VWCE: variants seen among roughly 807,000 people sequenced by gnomAD.
VWCE encodes von Willebrand factor C and EGF domains, also known as von Willebrand factor C and EGF domain-containing protein.
Under a neutral mutation model 102.9 loss-of-function variants are expected in VWCE, and 68 were observed. The ratio of observed to expected loss-of-function variants is 0.66; its 90% CI spans 0.54 to 0.81. The LOEUF is 0.81. VWCE is among the 30% of genes least tolerant of loss of function. The pLI is 0.00. For synonymous variants in VWCE, 497 were observed against 515.4 expected (o/e 0.96, Z 0.48); for missense variants, 1,137 against 1,263.6 (o/e 0.90, Z 1.52).
chr11:61,271,810 A>G (rs1246493475), intron 13 of VWCE, 50 bp from the exon 14 acceptor site: 2 of 1,555,156 alleles, frequency 1.3e-6, no homozygotes, highest in Non-Finnish European at 1.8e-6. Flanking sequence ...CTAGACTACA[A>G]CAGCAGCAAG....
chr11:61,267,286 T>C (rs1038833597), intron 16 of VWCE, among the ~76,000 whole-genome samples, 176 bp downstream of exon 16: 1 of 151,938 alleles, frequency 6.6e-6, no homozygotes, highest in Non-Finnish European at 1.5e-5. Flanking sequence ...AAAAAAAATT[T>C]CTCTGGCCCT....
chr11:61,280,801 A>G lies in VWCE; in HGVS notation c.1222T>C (p.Trp408Arg). The change falls in exon 8 of 20, where the codon TGG becomes CGG. Residue 408 changes from tryptophan to arginine, a missense_variant. Physicochemically the swap from Trp to Arg is moderately radical, Grantham distance 101 (BLOSUM62 -3). Transcript: ENST00000335613. Reference protein sequence around the residue: ...RWTEPGCSQCWCEDGKVTCEK... With the variant: ...RWTEPGCSQCRCEDGKVTCEK... ...GGACCCCTAGTACCCACCTCGCACC[A>G]GCACTGGGAACACCCAGGCTCTGTC... 6.3e-7 allele frequency: 1 copy of G among 1,593,216 alleles called. No homozygotes were observed. The highest frequency in any genetic ancestry group is 1.7e-4 in the Middle Eastern group (1 of 5,954).
rs373013984 is a variant in VWCE at position 61,258,989 on chromosome 11, G to A, written c.2554C>T (p.Pro852Ser). Residue 852 changes from proline to serine, a missense_variant, in exon 20 of 20, where the codon CCA (proline) becomes TCA (serine). Around this residue, in one of 5 missense-constraint regions of VWCE, gnomAD observed 316 missense variants for 319.3 expected, o/e 0.99. Transcript: ENST00000335613. ...PRLSPGPSTP[P>S]GAPTLPLASP... The stretch of plus-strand genomic sequence containing the variant: ...GCTAGAGGTAGAGTGGGGGCTCCTG[G>A]AGGGGTCGAAGGCCCTGGTGAGAGT... 33 of 1,610,082 alleles carry A rather than the reference G, an allele frequency of 2.0e-5. No homozygotes were observed. The highest frequency in any genetic ancestry group is 2.8e-5 in the Non-Finnish European group (33 of 1,178,084).
At chr11:61,264,907 G>C in intron 18 of VWCE, 49 bp downstream of exon 18, 1 of 1,600,162 alleles carries the variant, frequency 6.2e-7, no homozygotes, top group Non-Finnish European at 8.5e-7. Flanking sequence ...CAAAAGGCAA[G>C]AAGCTGCCCT....
chr11:61,292,764 G>A (rs1001186548), intron 1 of VWCE, among the ~76,000 whole-genome samples: 2 of 152,162 alleles, frequency 1.3e-5, no homozygotes, highest in Non-Finnish European at 2.9e-5. Context: ...TAACAGCATA[G>A]AGTGACAAAT....
At position 61,286,450 on chromosome 11, in the gene VWCE, G is replaced by A. The variant is rs372271528; in HGVS notation, c.425-20C>T. The A allele has an allele frequency of 1.3e-5, 21 of 1,603,668 alleles. No homozygotes were observed. The highest frequency in any genetic ancestry group is 4.4e-5 in the South Asian group (4 of 90,956). ...CAATGTCTGGAAAGACAGAAAGCAC[G>A]TGTTTACACAGTGGTCCTCGCAAGA... On this transcript the variant is annotated intron_variant, in intron 4 of 19. Coordinates refer to ENST00000335613, the MANE Select transcript of VWCE (RefSeq NM_152718.2).
At chr11:61,264,664 G>A in intron 18 of VWCE, 87 bp from the exon 19 acceptor site, 2 of 1,378,362 alleles carry the variant, frequency 1.5e-6, no homozygotes, top group Non-Finnish European at 2.0e-6. Flanking sequence ...TGCACCAGCA[G>A]CAGGACCCAC....
Position 61,280,908 on chromosome 11 carries a change from C to T in VWCE, c.1115G>A (p.Arg372Lys). Residue 372 changes from arginine to lysine, a missense_variant, in exon 8 of 20, where the codon AGG becomes AAG. Arg to Lys is a conservative substitution (Grantham distance 26). Transcript: ENST00000335613. The stretch of plus-strand genomic sequence containing the variant: ...TGCCAGTCGGGGGGACTCAGGGCCC[C>T]TGGGTGAGGAAGGGGTCCCCATCAC... ...GEVMGTPSSP[R>K]GPESPRLAAG... 1 of 1,528,898 alleles carries T rather than the reference C, an allele frequency of 6.5e-7. No individual in the cohort carries two copies. Among genetic ancestry groups the T allele is most frequent in the Non-Finnish European group, 8.8e-7 (1 of 1,140,728 alleles). 94.7% of individuals were successfully genotyped at this position (1,528,898 alleles called of 1,614,324 possible). A position where few individuals can be genotyped will look rare whatever the true frequency, so the allele number is the denominator to read the frequency against.
At chr11:61,274,237 G>A (rs761052761) in intron 12 of VWCE, among the ~76,000 whole-genome samples, 2 of 152,088 alleles carry the variant, frequency 1.3e-5, no homozygotes, top group Admixed American at 6.6e-5. Context: ...GTGGGCTTCC[G>A]GACCAAGGGG....
Position 61,295,092 on chromosome 11 carries a change from A to G in VWCE, c.-55T>C. 3 of 1,163,082 alleles carry G rather than the reference A, an allele frequency of 2.6e-6. No individual in the cohort carries two copies. The highest frequency in any genetic ancestry group is 3.3e-6 in the Non-Finnish European group (3 of 909,934). 72.0% of individuals were successfully genotyped at this position (1,163,082 alleles called of 1,614,324 possible). ...GCTCGGCTCCTGCGCCGCGCGCGGG[A>G]GAGGGGGCTGCCGGCCCTCGCCCCT... is the stretch of plus-strand genomic sequence containing the variant. On this transcript the variant is annotated 5_prime_UTR_variant, in exon 1 of 20. Coordinates refer to ENST00000335613, the MANE Select transcript of VWCE (RefSeq NM_152718.2). This position sits in a 1 kb window ranked among gnomAD's most constrained non-coding sequence, Gnocchi z 4.6.
rs1855639211 is a variant in VWCE at position 61,295,254 on chromosome 11, C to A, written c.-217G>T. ...GGACGATTGTGGGGAGGGTCTCTGG[C>A]ACCTCGAAGCGAAACACACAAAGGC... On this transcript the variant is annotated 5_prime_UTR_variant, in exon 1 of 20. Transcript: ENST00000335613. The surrounding 1 kb of genome is among the most constrained non-coding windows in gnomAD (Gnocchi z 4.6). The A allele has an allele frequency of 2.7e-6, 1 of 373,470 alleles. No individual in the cohort carries two copies. Among genetic ancestry groups the A allele is most frequent in the East Asian group, 3.9e-5 (1 of 25,862 alleles). 23.1% of individuals were successfully genotyped at this position (373,470 alleles called of 1,614,324 possible).
chr11:61,278,817 G>C (rs1855017525), intron 9 of VWCE, among the ~76,000 whole-genome samples: 2 of 152,154 alleles, frequency 1.3e-5, no homozygotes, highest in Admixed American at 1.3e-4. Flanking sequence ...AAGGCGGGCA[G>C]ACCACAAGGT....
intron 4 of VWCE, 121 bp downstream of exon 4, chr11:61,290,678 C>T (rs913850149): frequency 2.6e-6 from 3 of 1,159,222 alleles, no homozygotes; most frequent in African/African-American, 3.1e-5. Flanking sequence ...TCTCAAACAT[C>T]AGAGCCTATC....
At chr11:61,290,637 A>G (rs1281635709) in intron 4 of VWCE, among the ~76,000 whole-genome samples, 162 bp downstream of exon 4, 7 of 152,008 alleles carry the variant, frequency 4.6e-5, no homozygotes, top group Non-Finnish European at 1.0e-4. Context: ...GAAGTGACAC[A>G]TTTCTTTTGT....
At chr11:61,284,614 G>A (rs2134829745) in intron 5 of VWCE, among the ~76,000 whole-genome samples, 1 of 152,316 alleles carries the variant, frequency 6.6e-6, no homozygotes, top group South Asian at 2.1e-4. Flanking sequence ...ATGAGGTCAT[G>A]AGGGTGTGCC....
Position 61,291,508 on chromosome 11 carries a change from G to C in VWCE, c.179C>G (p.Ser60Cys). ...GSGCCPGWAP[S>C]MGGGHCTLPL... The stretch of plus-strand genomic sequence containing the variant: ...CAGGGTGCAGTGCCCACCACCCATA[G>C]AGGGCGCCCAGCCAGGGCAGCAGCC... Residue 60 changes from serine (S) to cysteine (C), a missense_variant, in exon 2 of 20, where the codon TCT becomes TGT. By Grantham distance (112) the Ser-to-Cys change is moderately radical (BLOSUM62 -1). This residue lies in a region of VWCE where 575 missense variants were observed against 625.9 expected (regional missense o/e 0.92). Transcript: ENST00000335613. The C allele has an allele frequency of 2.0e-6, 3 of 1,534,708 alleles. No homozygotes were observed. Among genetic ancestry groups the C allele is most frequent in the Non-Finnish European group, 8.8e-7 (1 of 1,136,216 alleles).
At position 61,290,823 on chromosome 11, in the gene VWCE, T is replaced by A; in HGVS notation, c.400A>T (p.Thr134Ser). ...CCTGTACACCTGATGCCAACAGCTG[T>A]CTCCGTCATCGAGAAGCCCACGGGG... ...VCPVGFSMTETAVGIRCTDID... is the reference protein window; with the variant it reads ...VCPVGFSMTESAVGIRCTDID... The change falls in exon 4 of 20, where the codon ACA becomes TCA. Residue 134 changes from threonine (T) to serine (S), a missense_variant. Transcript: ENST00000335613. 6.2e-7 allele frequency: 1 copy of A among 1,613,042 alleles called. No homozygotes were observed. The highest frequency in any genetic ancestry group is 8.5e-7 in the Non-Finnish European group (1 of 1,179,806).
At chr11:61,292,915 C>G (rs958259854) in intron 1 of VWCE, among the ~76,000 whole-genome samples, 1 of 151,922 alleles carries the variant, frequency 6.6e-6, no homozygotes, top group Non-Finnish European at 1.5e-5. Flanking sequence ...TGAGACCAGC[C>G]TGGCCAACAT....
chr11:61,292,052 G>A (rs563858737), intron 1 of VWCE, among the ~76,000 whole-genome samples: 4 of 152,182 alleles, frequency 2.6e-5, no homozygotes, highest in South Asian at 2.1e-4. Flanking sequence ...GTGAAACCTC[G>A]TTTCTACTAA....
Sources: gnomAD v4.1 joint callset for allele counts (sites outside exome capture counted in the v4.1 genomes callset) on GRCh38, gnomAD v4.1.1 for gene constraint, gnomAD v4.1.1 regional missense constraint, Gnocchi (gnomAD v3.1) non-coding constraint, MANE v1.5 for transcripts, NCBI Gene and HGNC (gene_info 2026-07-23, HGNC 2026-07-21) for gene names.